Variants in SLC7A2 observed in about 807,000 individuals in gnomAD.
SLC7A2 encodes cationic amino acid transporter 2.
In SLC7A2, 48 loss-of-function variants were observed where a neutral mutation model predicts 58.9. The ratio of observed to expected loss-of-function variants is 0.82; its 90% CI spans 0.65 to 1.04. The LOEUF is 1.04. Ranked by LOEUF, SLC7A2 falls within the 50% of genes least tolerant of loss-of-function variation. The probability of loss-of-function intolerance (pLI) is 0.00; values close to 1 mark genes in which losing one functional copy is unlikely to be tolerated. For synonymous variants in SLC7A2, 363 were observed against 314.5 expected (o/e 1.15, Z -1.63); for missense variants, 1,029 against 818.8 (o/e 1.26, Z -3.13).
chr8:17,552,330 A>G (rs1201390048), intron 7 of SLC7A2, among the ~76,000 whole-genome samples: 1 of 152,194 alleles, frequency 6.6e-6, no homozygotes, highest in African/African-American at 2.4e-5. Flanking sequence ...TTGTCCTAAA[A>G]TCTTTCTCTA....
At chr8:17,531,048 A>G (rs1801430425) in intron 2 of SLC7A2, among the ~76,000 whole-genome samples, 1 of 152,210 alleles carries the variant, frequency 6.6e-6, no homozygotes, top group African/African-American at 2.4e-5. Context: ...GTTTCAAATA[A>G]TTGCTTCCTC....
intron 2 of SLC7A2, among the ~76,000 whole-genome samples, chr8:17,502,780 G>C (rs1042325929): frequency 6.6e-6 from 1 of 152,078 alleles, no homozygotes; most frequent in African/African-American, 2.4e-5. Flanking sequence ...TTTGTTCAAT[G>C]GACCTCAGGT....
At chr8:17,553,805 T>C (rs887749102) in intron 7 of SLC7A2, among the ~76,000 whole-genome samples, 1 of 152,168 alleles carries the variant, frequency 6.6e-6, no homozygotes, top group African/African-American at 2.4e-5. Flanking sequence ...AAGAAGGATT[T>C]TTAAATAAAA....
chr8:17,521,105 C>T (rs1021773109), intron 2 of SLC7A2, among the ~76,000 whole-genome samples: 8 of 152,114 alleles, frequency 5.3e-5, no homozygotes, highest in African/African-American at 1.9e-4. Flanking sequence ...AAGGTAACTA[C>T]ATTTTCTTCT....
rs1388033890 is a variant in SLC7A2, at chr8:17,543,416, A to C, written c.77A>C (p.Glu26Ala). The change falls in exon 3 of 13, where the codon GAA becomes GCA. Residue 26 changes from glutamate to alanine, a missense_variant. Coordinates refer to ENST00000494857, the MANE Select transcript of SLC7A2 (RefSeq NM_001370338.1). ...RRKIVTLDSL[E>A]DTKLCRCLST... ...AAAATCGTGACCCTGGACAGTCTAG[A>C]AGACACCAAATTATGCCGCTGCTTA... is the stretch of plus-strand genomic sequence containing the variant. 6.2e-7 allele frequency: 1 copy of C among 1,614,152 alleles called. No homozygotes were observed. Among genetic ancestry groups the C allele is most frequent in the East Asian group, 2.2e-5 (1 of 44,862 alleles).
rs376202990 is a variant in SLC7A2 at position 17,558,413 on chromosome 8, G to T, written c.1298+16G>T. The stretch of plus-strand genomic sequence containing the variant: ...TCATCCTCAGGTGAGTCACCTGGTG[G>T]TTCTACAGGGTGTACCATGCACGAG... On this transcript the variant is annotated intron_variant, in intron 9 of 12. Transcript: ENST00000494857. The T allele has an allele frequency of 4.2e-4, 636 of 1,514,624 alleles. No homozygotes were observed. The highest frequency in any genetic ancestry group is 5.4e-4 in the Non-Finnish European group (592 of 1,090,752). The allele number at this position is 1,514,624 out of a possible 1,614,324, so 93.8% of individuals were successfully genotyped here. A position where few individuals can be genotyped will look rare whatever the true frequency, so the allele number is the denominator to read the frequency against.
intron 4 of SLC7A2, among the ~76,000 whole-genome samples, chr8:17,546,588 C>G (rs1294223232): frequency 1.3e-5 from 2 of 152,154 alleles, no homozygotes; most frequent in East Asian, 1.9e-4. Flanking sequence ...TTGTTATTCT[C>G]TGAGGTATAT....
chr8:17,570,016 T>A lies in SLC7A2; in HGVS notation c.*4870T>A, dbSNP rs1585286400. 2 of 152,280 alleles carry A rather than the reference T, an allele frequency of 1.3e-5. 1 individual carries two copies. Among genetic ancestry groups the A allele is most frequent in the Admixed American group, 1.3e-4 (2 of 15,298 alleles). 9.4% of individuals were successfully genotyped at this position (152,280 alleles called of 1,614,324 possible). The stretch of plus-strand genomic sequence containing the variant: ...AGTTTGGGCTCCTTAATTCCAAACA[T>A]CCCATGAGTATATCAAGATGAATAA... On this transcript the variant is annotated 3_prime_UTR_variant, in exon 13 of 13. Coordinates refer to ENST00000494857, the MANE Select transcript of SLC7A2 (RefSeq NM_001370338.1).
chr8:17,546,999 T>A (rs1190605217), intron 4 of SLC7A2, among the ~76,000 whole-genome samples: 2 of 152,150 alleles, frequency 1.3e-5, no homozygotes, highest in Non-Finnish European at 2.9e-5. Context: ...AAGGGAAAAT[T>A]TATTTTTCAG....
intron 3 of SLC7A2, among the ~76,000 whole-genome samples, chr8:17,543,924 A>G (rs560511634): frequency 1.1e-4 from 17 of 152,234 alleles, no homozygotes; most frequent in African/African-American, 4.1e-4. Flanking sequence ...CTTGAAGTGC[A>G]GTGGCGTGAT....
intron 11 of SLC7A2, among the ~76,000 whole-genome samples, chr8:17,563,126 G>A (rs929429591): frequency 2.0e-5 from 3 of 152,180 alleles, no homozygotes; most frequent in Non-Finnish European, 4.4e-5. Flanking sequence ...TTGGGTGACA[G>A]AGTGAGACAC....
At chr8:17,513,324 G>GT (rs36024398) in intron 2 of SLC7A2, among the ~76,000 whole-genome samples, 41 of 151,756 alleles carry the variant, frequency 2.7e-4, no homozygotes, top group African/African-American at 3.6e-4. Flanking sequence ...TATTTTCTGG[G>GT]TTTTTTTTCT....
chr8:17,513,980 G>A (rs897811415), intron 2 of SLC7A2, among the ~76,000 whole-genome samples: 2 of 152,182 alleles, frequency 1.3e-5, no homozygotes, highest in East Asian at 3.9e-4. Flanking sequence ...GTGTATAATG[G>A]CAGGGATTTA....
intron 1 of SLC7A2, chr8:17,498,996 G>A (rs1315553236): frequency 6.6e-6 from 1 of 152,070 alleles, no homozygotes; most frequent in Non-Finnish European, 1.5e-5. Flanking sequence ...GAATTTTAAA[G>A]TTCACGTTTC....
intron 8 of SLC7A2, chr8:17,555,026 G>T (rs753204015): frequency 3.7e-6 from 6 of 1,613,994 alleles, no homozygotes; most frequent in Non-Finnish European, 8.5e-7. Flanking sequence ...TTTCTTGCCA[G>T]AGTGAGTAAG....
intron 2 of SLC7A2, among the ~76,000 whole-genome samples, chr8:17,525,515 C>G (rs146943908): frequency 6.6e-6 from 1 of 152,288 alleles, no homozygotes; most frequent in Non-Finnish European, 1.5e-5. Flanking sequence ...GGACACTATA[C>G]AGATACGGGT....
At position 17,563,563 on chromosome 8, in the gene SLC7A2, A is replaced by C. The variant is rs201728775; in HGVS notation, c.1672-40A>C. 17 of 1,256,692 alleles carry C rather than the reference A, an allele frequency of 1.4e-5. No homozygotes were observed. The East Asian group carries it at 1.9e-4, about 14-fold the overall frequency. The allele number at this position is 1,256,692 out of a possible 1,614,324, so 77.8% of individuals were successfully genotyped here. The stretch of plus-strand genomic sequence containing the variant: ...TGAAATAACTTGGGGAATATGCTTC[A>C]AAATATGAGTATGTTCAAAAGGATT... On this transcript the variant is annotated intron_variant, in intron 11 of 12. Transcript: ENST00000494857.
chr8:17,551,394 T>G lies in SLC7A2; in HGVS notation c.833-370T>G, dbSNP rs564236587. 3.9e-5 allele frequency among the ~76,000 whole-genome samples: 6 copies of G among 152,308 alleles called. No homozygotes were observed. In the East Asian group the frequency reaches 9.7e-4, roughly 25 times the overall value. On this transcript the variant is annotated intron_variant, in intron 6 of 12. Transcript: ENST00000494857. ...AGGGTGGATCACTTGAGGCCAGGAA[T>G]TAGAGACTAGACTGGCCAACATGGT...
chr8:17,520,329 A>G (rs1256843612), intron 2 of SLC7A2, among the ~76,000 whole-genome samples: 4 of 152,250 alleles, frequency 2.6e-5, no homozygotes, highest in African/African-American at 7.2e-5. Flanking sequence ...ATGCACACAC[A>G]CGCACACATC....
Sources: allele counts gnomAD v4.1 joint callset (sites outside exome capture counted in the v4.1 genomes callset), GRCh38; gene constraint gnomAD v4.1.1; transcripts MANE v1.5; gene names NCBI Gene and HGNC (gene_info 2026-07-23, HGNC 2026-07-21).